Variants in KTN1 observed in about 807,000 individuals in gnomAD.
KTN1 encodes kinectin 1, also known as kinectin.
In KTN1, 130 loss-of-function variants were observed where a neutral mutation model predicts 222.5. The observed-to-expected ratio is 0.58, with a 90% CI of 0.51 to 0.68. The LOEUF (loss-of-function observed/expected upper bound fraction) is 0.68, where lower values mean the gene tolerates loss of function less well. KTN1 is among the 30% of genes least tolerant of loss of function. The pLI, the probability that KTN1 is intolerant of heterozygous loss-of-function variation, is 0.00. For synonymous variants in KTN1, 512 were observed against 496.3 expected (o/e 1.03, Z -0.42); for missense variants, 1,508 against 1,500.4 (o/e 1.01, Z -0.08).
chr14:55,611,070 C>A (rs2037483001), intron 1 of KTN1, among the ~76,000 whole-genome samples: 1 of 152,034 alleles, frequency 6.6e-6, no homozygotes, highest in Non-Finnish European at 1.5e-5. Flanking sequence ...AGATAAGTTC[C>A]TAACTTGTAA....
chr14:55,661,641 T>C, intron 32 of KTN1, 29 bp downstream of exon 32: 1 of 1,178,522 alleles, frequency 8.5e-7, no homozygotes, highest in Non-Finnish European at 1.2e-6. Flanking sequence ...GAATGAAGCT[T>C]TTCTTTTTAT....
Position 55,629,995 on chromosome 14 carries a change from A to T in KTN1, c.1119A>T (p.Ile373=), listed in dbSNP as rs1340690725. 2 of 1,602,086 alleles carry T rather than the reference A, an allele frequency of 1.2e-6. No individual in the cohort carries two copies. Among genetic ancestry groups the T allele is most frequent in the Non-Finnish European group, 1.7e-6 (2 of 1,169,028 alleles). The change falls in exon 7 of 44, where the codon ATA becomes ATT. Residue 373 remains isoleucine, a synonymous_variant. Transcript: ENST00000395314. ...AGAAAGAAAGAAGCAATGTGGTTATAACAAGGATGAAAGATCGAATTGGAA... is the reference window on the plus strand; with the variant it reads ...AGAAAGAAAGAAGCAATGTGGTTATTACAAGGATGAAAGATCGAATTGGAA... ...MTEKERSNVV[I]TRMKDRIGTL...
chr14:55,627,496 T>C (rs545331467), intron 5 of KTN1, among the ~76,000 whole-genome samples: 1 of 152,174 alleles, frequency 6.6e-6, no homozygotes, highest in Non-Finnish European at 1.5e-5. Context: ...GGGATACATG[T>C]GCAGAACGTG....
chr14:55,676,955 T>A (rs2045934109), intron 41 of KTN1, among the ~76,000 whole-genome samples: 1 of 152,198 alleles, frequency 6.6e-6, no homozygotes, highest in African/African-American at 2.4e-5. Context: ...ATTTTAATTT[T>A]TGACCTCTGG....
intron 18 of KTN1, chr14:55,644,558 G>C: frequency 1.0e-5 from 4 of 381,770 alleles, no homozygotes; most frequent in Admixed American, 4.3e-5. Context: ...CTCAGAATAA[G>C]ACTTTTTTTT....
chr14:55,612,596 T>C (rs777323167), intron 2 of KTN1, 25 bp downstream of exon 2: 1 of 1,529,288 alleles, frequency 6.5e-7, no homozygotes, highest in Non-Finnish European at 8.8e-7. Context: ...TTAATCTATT[T>C]AATTTTATTG....
chr14:55,619,136 T>A (rs1258050876), intron 4 of KTN1, 46 bp from the exon 5 acceptor site: 3 of 1,519,314 alleles, frequency 2.0e-6, no homozygotes, highest in Middle Eastern at 4.5e-4. Flanking sequence ...ATTATTTGTG[T>A]TTTTTAAATG....
chr14:55,663,189 G>C (rs935194646), intron 32 of KTN1: 2 of 198,654 alleles, frequency 1.0e-5, no homozygotes, highest in African/African-American at 4.6e-5. Flanking sequence ...GTGATTATTG[G>C]CTTTTTATTT....
At chr14:55,659,740 T>A in intron 31 of KTN1, 37 bp downstream of exon 31, 2 of 1,116,430 alleles carry the variant, frequency 1.8e-6, no homozygotes, top group Non-Finnish European at 2.7e-6. Context: ...TATAAAGTCG[T>A]AACTATTTTT....
Position 55,612,222 on chromosome 14 carries a change from A to G in KTN1, c.174A>G (p.Glu58=), listed in dbSNP as rs1479138823. The G allele has an allele frequency of 3.8e-6, 6 of 1,585,246 alleles. No individual in the cohort carries two copies. Among genetic ancestry groups the G allele is most frequent in the Non-Finnish European group, 5.1e-6 (6 of 1,172,832 alleles). The change falls in exon 2 of 44, where the codon GAA becomes GAG. Residue 58 remains glutamate (E), a synonymous_variant. Transcript: ENST00000395314. The stretch of plus-strand genomic sequence containing the variant: ...CCAAAACAGATAAAAAGAAAGCAGA[A>G]AAGAAAAAGAATAAAAAGAAAGAAA... ...IPTKTDKKKA[E]KKKNKKKEIQ...
chr14:55,610,120 A>G (rs1481180164), intron 1 of KTN1, among the ~76,000 whole-genome samples: 1 of 152,198 alleles, frequency 6.6e-6, no homozygotes, highest in Non-Finnish European at 1.5e-5. Context: ...CTATTAAAAA[A>G]TTGCTTATGG....
chr14:55,650,008 CA>C (rs543381605), intron 22 of KTN1, among the ~76,000 whole-genome samples, 195 bp downstream of exon 22: 24 of 143,140 alleles, frequency 1.7e-4, no homozygotes, highest in Admixed American at 1.0e-3. Flanking sequence ...AAAAAAAAAA[CA>C]AAAAAAAACT....
intron 24 of KTN1, chr14:55,651,410 A>T (rs1293992965): frequency 6.6e-6 from 3 of 454,712 alleles, no homozygotes; most frequent in South Asian, 1.6e-5. Context: ...AGAAAAAATT[A>T]AAAAAGGACA....
chr14:55,642,496 CTTACAA>C (rs2041899539), intron 18 of KTN1, among the ~76,000 whole-genome samples: 1 of 152,172 alleles, frequency 6.6e-6, no homozygotes, highest in South Asian at 2.1e-4. Context: ...CTACGCAGCT[CTTACAA>C]TTACAATTTA....
chr14:55,679,274 C>G lies in KTN1; in HGVS notation c.3949-291C>G, dbSNP rs976230607. The G allele has an allele frequency of 2.9e-5, 8 of 272,964 alleles. No individual in the cohort carries two copies. In the South Asian group the frequency reaches 6.7e-4, roughly 23 times the overall value. 16.9% of individuals were successfully genotyped at this position (272,964 alleles called of 1,614,324 possible). A position where few individuals can be genotyped will look rare whatever the true frequency, so the allele number is the denominator to read the frequency against. ...CTTTTGCGGGGCAAATTTTCTTTTTCTGAAAGAAAAAATGGATATATTTCT... is the reference window on the plus strand; with the variant it reads ...CTTTTGCGGGGCAAATTTTCTTTTTGTGAAAGAAAAAATGGATATATTTCT... On this transcript the variant is annotated intron_variant, in intron 42 of 43. Transcript: ENST00000395314.
chr14:55,664,714 C>A (rs1057269619), intron 33 of KTN1, among the ~76,000 whole-genome samples: 1 of 152,048 alleles, frequency 6.6e-6, no homozygotes, highest in African/African-American at 2.4e-5. Flanking sequence ...TCAAGTTGTA[C>A]CATTGGGTGT....
intron 40 of KTN1, chr14:55,675,538 CTG>C (rs578008022): frequency 5.2e-4 from 118 of 227,824 alleles, no homozygotes; most frequent in Middle Eastern, 1.4e-3. Flanking sequence ...ATTTCAGTGA[CTG>C]TTATAAATAG....
At chr14:55,660,170 A>G (rs752905557) in intron 31 of KTN1, among the ~76,000 whole-genome samples, 2 of 152,038 alleles carry the variant, frequency 1.3e-5, no homozygotes, top group Non-Finnish European at 2.9e-5. Context: ...CACTGAGCTC[A>G]GGGGTTTGAG....
intron 40 of KTN1, chr14:55,675,055 A>T (rs1016528617): frequency 2.0e-5 from 3 of 152,140 alleles, no homozygotes; most frequent in African/African-American, 4.8e-5. Context: ...TTCTCCCTCC[A>T]ATTTTAAATG....
Sources: gnomAD v4.1 joint callset for allele counts (sites outside exome capture counted in the v4.1 genomes callset) on GRCh38, gnomAD v4.1.1 for gene constraint, MANE v1.5 for transcripts, NCBI Gene and HGNC (gene_info 2026-07-23, HGNC 2026-07-21) for gene names.